CSMD3: variants seen among roughly 807,000 people sequenced by gnomAD.
The protein encoded by CSMD3 is CUB and sushi domain-containing protein 3.
A neutral mutation model predicts 435.2 loss-of-function variants in CSMD3; 177 were observed. The observed-to-expected ratio is 0.41, with a 90% CI of 0.36 to 0.46. The LOEUF (loss-of-function observed/expected upper bound fraction) is 0.46. CSMD3 is among the 20% of genes least tolerant of loss of function. The pLI is 0.34. For synonymous variants in CSMD3, 1,656 were observed against 1,520.5 expected (o/e 1.09, Z -2.07); for missense variants, 4,265 against 4,504.6 (o/e 0.95, Z 1.52).
At chr8:112,635,303 T>C (rs2074626738) in intron 22 of CSMD3, among the ~76,000 whole-genome samples, 1 of 152,038 alleles carries the variant, frequency 6.6e-6, no homozygotes, top group African/African-American at 2.4e-5. Flanking sequence ...GTTGCAAACA[T>C]TTTGCTGATG....
At chr8:113,004,164 T>C (rs1432392586) in intron 6 of CSMD3, among the ~76,000 whole-genome samples, 2 of 152,026 alleles carry the variant, frequency 1.3e-5, no homozygotes, top group African/African-American at 4.8e-5. Context: ...CAAGTTATTC[T>C]TTAGCAACAA....
chr8:112,370,082 A>AAGAAGAAGAAGAGGAAGAAGT (rs1285510394), intron 38 of CSMD3, among the ~76,000 whole-genome samples: 1 of 103,454 alleles, frequency 9.7e-6, no homozygotes, highest in African/African-American at 3.7e-5. Flanking sequence ...GAAGAAGAAG[A>AAGAAGAAGAAGAGGAAGAAGT]AGTAGTAGTA....
intron 9 of CSMD3, among the ~76,000 whole-genome samples, chr8:112,933,222 T>C (rs756601849): frequency 2.0e-5 from 3 of 152,208 alleles, no homozygotes; most frequent in Non-Finnish European, 2.9e-5. Flanking sequence ...AAGTGGTGTA[T>C]AATGATAAAA....
chr8:112,953,426 T>C (rs563511906), intron 8 of CSMD3, among the ~76,000 whole-genome samples: 1 of 151,598 alleles, frequency 6.6e-6, no homozygotes, highest in East Asian at 1.9e-4. Flanking sequence ...AGTATCAATC[T>C]TGAAAATGAT....
chr8:112,378,123 A>G (rs2131220893), intron 38 of CSMD3, among the ~76,000 whole-genome samples: 1 of 152,152 alleles, frequency 6.6e-6, no homozygotes, highest in Non-Finnish European at 1.5e-5. Context: ...GACCACACTG[A>G]GGTGTCATCT....
At chr8:113,235,588 A>G (rs907832263) in intron 3 of CSMD3, among the ~76,000 whole-genome samples, 1 of 152,118 alleles carries the variant, frequency 6.6e-6, no homozygotes, top group Non-Finnish European at 1.5e-5. Flanking sequence ...GGTTAATTTT[A>G]GGTGCAAACT....
intron 4 of CSMD3, among the ~76,000 whole-genome samples, chr8:113,112,656 TAACAGTA>T (rs1223677360): frequency 6.6e-6 from 1 of 151,804 alleles, no homozygotes; most frequent in Non-Finnish European, 1.5e-5. Context: ...AATGGCTGGA[TAACAGTA>T]AAAGGAGAGT....
In CSMD3 at chr8:112,380,452, T is replaced by C. The variant is rs982225141; in HGVS notation, c.6036A>G (p.Thr2012=). ...TACTATTCAAAAGATGGGGTATTGT[T>C]GTTCCTGAAATGATATATGAGAAGG... The part of the protein sequence containing the change: ...NAPRLGSYSG[T]TIPHLLNSTS... Residue 2012 remains threonine, a synonymous_variant, in exon 38 of 71, where the codon ACA becomes ACG. Transcript: ENST00000297405. The C allele has an allele frequency of 1.3e-6, 2 of 1,523,628 alleles. No homozygotes were observed. Among genetic ancestry groups the C allele is most frequent in the Non-Finnish European group, 1.8e-6 (2 of 1,098,056 alleles). The allele number at this position is 1,523,628 out of a possible 1,614,324, so 94.4% of individuals were successfully genotyped here.
intron 2 of CSMD3, among the ~76,000 whole-genome samples, chr8:113,308,256 G>GTTTTT (rs1482490822): frequency 4.0e-5 from 3 of 74,426 alleles, no homozygotes; most frequent in Admixed American, 1.6e-4. Context: ...AATCATTTAA[G>GTTTTT]TCTTTTTTTT....
In CSMD3 at chr8:113,264,915, C is replaced by T. The variant is rs147021781; in HGVS notation, c.514+13677G>A. 1.5e-4 allele frequency among the ~76,000 whole-genome samples: 23 copies of T among 151,616 alleles called. No homozygotes were observed. The East Asian group carries it at 4.3e-3, about 28-fold the overall frequency. ...CTAATCAATTTTTTTGTTAGATGGT[C>T]TGTATATCAGCTGAGTTTAACAAGC... On this transcript the variant is annotated intron_variant, in intron 3 of 70. Coordinates refer to ENST00000297405, the MANE Select transcript of CSMD3 (RefSeq NM_198123.2).
intron 22 of CSMD3, among the ~76,000 whole-genome samples, chr8:112,612,048 G>A (rs1833296547): frequency 6.6e-6 from 1 of 152,106 alleles, no homozygotes; most frequent in Non-Finnish European, 1.5e-5. Context: ...TTTGGTGGGA[G>A]TACTGTGAAT....
At chr8:113,397,588 C>G (rs978284341) in intron 1 of CSMD3, among the ~76,000 whole-genome samples, 2 of 151,806 alleles carry the variant, frequency 1.3e-5, no homozygotes, top group African/African-American at 4.8e-5. Context: ...GAGGCCGAGG[C>G]GGGGGAACAC....
Position 112,783,154 on chromosome 8 carries a change from A to T in CSMD3, c.1972+17008T>A, listed in dbSNP as rs1383399289. On this transcript the variant is annotated intron_variant, in intron 13 of 70. Transcript: ENST00000297405. Reference sequence around the variant, plus strand: ...ACAAATTCCAAGAAGTAGTATAATGACATAAACAGACATAATAAAAATTTT... The same window carrying T: ...ACAAATTCCAAGAAGTAGTATAATGTCATAAACAGACATAATAAAAATTTT... 2.0e-5 allele frequency among the ~76,000 whole-genome samples: 3 copies of T among 151,978 alleles called. No individual in the cohort carries two copies. In the East Asian group the frequency reaches 5.8e-4, roughly 29 times the overall value.
intron 70 of CSMD3, among the ~76,000 whole-genome samples, chr8:112,226,325 A>G (rs1812554827): frequency 1.3e-5 from 2 of 152,188 alleles, no homozygotes; most frequent in Non-Finnish European, 2.9e-5. Context: ...CTAATTAGGT[A>G]ATAATCATGA....
chr8:113,396,126 T>A (rs986635817), intron 1 of CSMD3, among the ~76,000 whole-genome samples: 3 of 152,188 alleles, frequency 2.0e-5, no homozygotes, highest in Admixed American at 1.3e-4. Context: ...AAGGAATGAC[T>A]TGAGAAAGGA....
chr8:113,360,593 A>C (rs1335325340), intron 1 of CSMD3, among the ~76,000 whole-genome samples: 24 of 58,418 alleles, frequency 4.1e-4, no homozygotes, highest in African/African-American at 1.9e-3. Context: ...TTTTTTTTTG[A>C]GACGGAGTCT....
intron 11 of CSMD3, among the ~76,000 whole-genome samples, chr8:112,833,405 T>A (rs1474930769): frequency 6.6e-6 from 1 of 151,982 alleles, no homozygotes; most frequent in Non-Finnish European, 1.5e-5. Context: ...TATTTGGAAC[T>A]TTTTTGGTAT....
At chr8:112,552,259 C>A (rs1827749920) in intron 26 of CSMD3, among the ~76,000 whole-genome samples, 1 of 151,670 alleles carries the variant, frequency 6.6e-6, no homozygotes, top group Admixed American at 6.6e-5. Context: ...CTTTGGGAGG[C>A]AGAATTGCTT....
At chr8:112,455,359 T>TAGGAGGAGAAAACCAAA (rs1319015878) in intron 32 of CSMD3, among the ~76,000 whole-genome samples, 179 of 152,226 alleles carry the variant, frequency 1.2e-3, no homozygotes, top group African/African-American at 4.0e-3. Flanking sequence ...ATACCACATG[T>TAGGAGGAGAAAACCAAA]TCTCACTTGT....
Sources: gnomAD v4.1 joint callset for allele counts (sites outside exome capture counted in the v4.1 genomes callset) on GRCh38, gnomAD v4.1.1 for gene constraint, MANE v1.5 for transcripts, NCBI Gene and HGNC (gene_info 2026-07-23, HGNC 2026-07-21) for gene names.